TSHZ2: variants seen among roughly 807,000 people sequenced by gnomAD.
TSHZ2 encodes teashirt homolog 2.
TSHZ2 carries 21 observed loss-of-function variants against 74.4 expected under a neutral mutation model. The observed-to-expected ratio is 0.28, with a 90% CI of 0.20 to 0.41. The LOEUF is 0.41. TSHZ2 is among the 10% of genes least tolerant of loss of function. TSHZ2 has a pLI of 1.00. For missense variants in TSHZ2, 1,244 were observed against 1,293.5 expected (o/e 0.96, Z 0.59); for synonymous variants, 540 against 515.3 (o/e 1.05, Z -0.65).
chr20:52,987,549 C>T (rs1434636749), intron 1 of TSHZ2, among the ~76,000 whole-genome samples: 1 of 151,156 alleles, frequency 6.6e-6, no homozygotes, highest in African/African-American at 2.4e-5. Context: ...CTCTCTCTCC[C>T]CTACCCCCAA....
At chr20:53,368,502 G>A (rs1981355919) in intron 2 of TSHZ2, among the ~76,000 whole-genome samples, 1 of 152,014 alleles carries the variant, frequency 6.6e-6, no homozygotes, top group African/African-American at 2.4e-5. Flanking sequence ...GTAGAGCTGG[G>A]GTTTCACCAT....
At chr20:53,146,032 AC>A (rs1315520349) in intron 1 of TSHZ2, among the ~76,000 whole-genome samples, 1 of 152,200 alleles carries the variant, frequency 6.6e-6, no homozygotes, top group Admixed American at 6.5e-5. Flanking sequence ...GGATCCAGGC[AC>A]TCAAATATAT....
At chr20:53,315,739 A>T (rs989872538) in intron 2 of TSHZ2, among the ~76,000 whole-genome samples, 1 of 152,202 alleles carries the variant, frequency 6.6e-6, no homozygotes, top group Non-Finnish European at 1.5e-5. Context: ...GCTCTCATGG[A>T]GCTGATGTTC....
intron 1 of TSHZ2, among the ~76,000 whole-genome samples, chr20:53,083,297 T>C (rs1358060004): frequency 6.6e-6 from 1 of 152,236 alleles, no homozygotes; most frequent in Non-Finnish European, 1.5e-5. Flanking sequence ...TTTTTACTTA[T>C]AGGACCCCAA....
intron 1 of TSHZ2, among the ~76,000 whole-genome samples, chr20:52,981,931 GA>G (rs1314534307): frequency 6.6e-6 from 1 of 152,208 alleles, no homozygotes; most frequent in Non-Finnish European, 1.5e-5. Flanking sequence ...AGGTGAATAG[GA>G]TGGGGATGAT....
intron 2 of TSHZ2, among the ~76,000 whole-genome samples, chr20:53,260,965 A>G (rs1990589601): frequency 2.0e-5 from 3 of 152,228 alleles, no homozygotes; most frequent in Admixed American, 2.0e-4. Flanking sequence ...GCCTCTTTTT[A>G]TAACTCAGGC....
chr20:53,229,917 A>G (rs887176494), intron 1 of TSHZ2, among the ~76,000 whole-genome samples: 1 of 151,170 alleles, frequency 6.6e-6, no homozygotes, highest in Admixed American at 6.6e-5. Context: ...AAAAAAGAGA[A>G]AGAAGAAGGA....
At chr20:53,220,114 AC>A in intron 1 of TSHZ2, among the ~76,000 whole-genome samples, 1 of 152,242 alleles carries the variant, frequency 6.6e-6, no homozygotes, top group East Asian at 1.9e-4. Context: ...CCTTACCATG[AC>A]CCTTCATTCT....
At chr20:53,016,479 G>A (rs1983043393) in intron 1 of TSHZ2, among the ~76,000 whole-genome samples, 1 of 152,184 alleles carries the variant, frequency 6.6e-6, no homozygotes, top group Admixed American at 6.5e-5. Flanking sequence ...AGCAATTAAA[G>A]TGAACAGAGC....
chr20:53,047,684 CTA>C (rs1235472456), intron 1 of TSHZ2, among the ~76,000 whole-genome samples: 1 of 152,000 alleles, frequency 6.6e-6, no homozygotes. Flanking sequence ...AAGAAAAACA[CTA>C]TGACAACCAA....
intron 1 of TSHZ2, among the ~76,000 whole-genome samples, chr20:53,140,128 T>C (rs1015063738): frequency 6.6e-6 from 1 of 152,178 alleles, no homozygotes; most frequent in Non-Finnish European, 1.5e-5. Context: ...ATAAAAAGTT[T>C]ACTGTAGTGG....
intron 2 of TSHZ2, among the ~76,000 whole-genome samples, chr20:53,380,366 G>A (rs1023347457): frequency 2.0e-5 from 3 of 152,180 alleles, no homozygotes; most frequent in Non-Finnish European, 4.4e-5. Flanking sequence ...ATCCATGATA[G>A]TATGAATTAT....
Position 53,128,660 on chromosome 20 carries a change from C to T in TSHZ2, c.41-124839C>T, listed in dbSNP as rs144320113. 2.3e-3 allele frequency among the ~76,000 whole-genome samples: 351 copies of T among 150,828 alleles called. 2 individuals carry two copies. The highest frequency in any genetic ancestry group is 7.6e-3 in the African/African-American group (306 of 40,384). On this transcript the variant is annotated intron_variant, in intron 1 of 2. Coordinates refer to ENST00000371497, the MANE Select transcript of TSHZ2 (RefSeq NM_173485.6). ...TTTTTTAGATGGAGTCTCGCACTGA[C>T]GCCCAGGCTGGAGTACAGTGGTGCA...
At chr20:53,158,308 G>C (rs1987845586) in intron 1 of TSHZ2, among the ~76,000 whole-genome samples, 1 of 152,138 alleles carries the variant, frequency 6.6e-6, no homozygotes, top group African/African-American at 2.4e-5. Context: ...AATGGATGAG[G>C]CTAGAAGGTT....
chr20:53,157,186 TA>T (rs771035187), intron 1 of TSHZ2, among the ~76,000 whole-genome samples: 1 of 152,180 alleles, frequency 6.6e-6, no homozygotes, highest in Non-Finnish European at 1.5e-5. Flanking sequence ...ATTTCTCAAT[TA>T]TGCTTGAAAT....
At chr20:53,292,474 G>A (rs1043720593) in intron 2 of TSHZ2, among the ~76,000 whole-genome samples, 6 of 147,900 alleles carry the variant, frequency 4.1e-5, no homozygotes, top group African/African-American at 1.0e-4. Flanking sequence ...TTGAGACAGG[G>A]TCTTGCTCTG....
At position 53,332,043 on chromosome 20, in the gene TSHZ2, C is replaced by T. The variant is rs895744758; in HGVS notation, c.*8+75472C>T. Among the ~76,000 whole-genome samples the T allele has an allele frequency of 2.0e-5, 3 of 152,046 alleles. No individual in the cohort carries two copies. In the East Asian group the frequency reaches 5.8e-4, roughly 29 times the overall value. The stretch of plus-strand genomic sequence containing the variant: ...TCCCATTCACTGAATACATCTGAAG[C>T]CAGAGGGCAAGGAGGCCTCCTGTGC... On this transcript the variant is annotated intron_variant, in intron 2 of 2. Transcript: ENST00000371497.
At chr20:53,357,709 A>C (rs1269233827) in intron 2 of TSHZ2, among the ~76,000 whole-genome samples, 1 of 152,152 alleles carries the variant, frequency 6.6e-6, no homozygotes, top group African/African-American at 2.4e-5. Context: ...GATATCGTGA[A>C]ATGATTAATT....
chr20:53,093,312 C>T (rs1247751506), intron 1 of TSHZ2, among the ~76,000 whole-genome samples: 1 of 152,220 alleles, frequency 6.6e-6, no homozygotes, highest in Non-Finnish European at 1.5e-5. Flanking sequence ...GTTGGAAGCC[C>T]TGCTCCACTC....
Sources: gnomAD v4.1 joint callset for allele counts (sites outside exome capture counted in the v4.1 genomes callset) on GRCh38, gnomAD v4.1.1 for gene constraint, MANE v1.5 for transcripts, NCBI Gene and HGNC (gene_info 2026-07-23, HGNC 2026-07-21) for gene names.